Variants in ROCK2 observed in about 807,000 individuals in gnomAD.
ROCK2 encodes the protein Rho associated coiled-coil containing protein kinase 2, also known as rho-associated protein kinase 2.
A neutral mutation model predicts 195.1 loss-of-function variants in ROCK2; 61 were observed. The observed-to-expected ratio is 0.31, with a 90% confidence interval of 0.25 to 0.39. The LOEUF is 0.39. ROCK2 is among the 10% of genes least tolerant of loss of function. The pLI is 1.00. For missense variants in ROCK2, 1,109 were observed against 1,637.4 expected (o/e 0.68, Z 5.57); for synonymous variants, 504 against 545.5 (o/e 0.92, Z 1.06).
intron 9 of ROCK2, 137 bp from the exon 10 acceptor site, chr2:11,219,163 G>A (rs1301435516): frequency 2.2e-6 from 1 of 445,374 alleles, no homozygotes; most frequent in African/African-American, 2.0e-5. Context: ...TACAAATGAA[G>A]CAATATTTTT....
chr2:11,231,292 C>T (rs1665000330), intron 5 of ROCK2, among the ~76,000 whole-genome samples: 1 of 151,976 alleles, frequency 6.6e-6, no homozygotes, highest in African/African-American at 2.4e-5. Flanking sequence ...TAACCTCCGC[C>T]TCCTGGGTTC....
intron 4 of ROCK2, among the ~76,000 whole-genome samples, chr2:11,241,629 T>C (rs1665431916): frequency 6.6e-6 from 1 of 152,192 alleles, no homozygotes; most frequent in South Asian, 2.1e-4. Flanking sequence ...GATAAATGCA[T>C]GACAACATAA....
chr2:11,272,246 G>A (rs1666661116), intron 3 of ROCK2, among the ~76,000 whole-genome samples: 1 of 151,956 alleles, frequency 6.6e-6, no homozygotes, highest in Non-Finnish European at 1.5e-5. Context: ...AGTCCTACAG[G>A]GTGAAATGAA....
chr2:11,259,717 C>T (rs1324486820), intron 3 of ROCK2, among the ~76,000 whole-genome samples: 1 of 151,266 alleles, frequency 6.6e-6, no homozygotes, highest in Non-Finnish European at 1.5e-5. Flanking sequence ...CTATTTGGCA[C>T]TACTTTTGGA....
At chr2:11,309,580 A>G (rs1572391564) in intron 1 of ROCK2, among the ~76,000 whole-genome samples, 1 of 152,224 alleles carries the variant, frequency 6.6e-6, no homozygotes, top group African/African-American at 2.4e-5. Flanking sequence ...CTAGAAAGTT[A>G]TTTCAGTCCC....
At chr2:11,224,924 T>G (rs967319511) in intron 6 of ROCK2, among the ~76,000 whole-genome samples, 1 of 152,116 alleles carries the variant, frequency 6.6e-6, no homozygotes, top group Non-Finnish European at 1.5e-5. Context: ...TTAAATAAAA[T>G]GAAAAACACA....
intron 1 of ROCK2, among the ~76,000 whole-genome samples, chr2:11,340,236 C>G (rs1321223625): frequency 3.9e-5 from 6 of 152,140 alleles, no homozygotes; most frequent in African/African-American, 1.2e-4. Flanking sequence ...ACCCTGAAAT[C>G]AAATACATTC....
chr2:11,330,927 AG>A (rs1668730396), intron 1 of ROCK2, among the ~76,000 whole-genome samples: 1 of 860 alleles, frequency 1.2e-3, no homozygotes, highest in Non-Finnish European at 2.4e-3. Flanking sequence ...GGAGGAGGAG[AG>A]GAGGAGGGAG....
At chr2:11,270,242 G>A (rs1475794493) in intron 3 of ROCK2, among the ~76,000 whole-genome samples, 1 of 152,080 alleles carries the variant, frequency 6.6e-6, no homozygotes, top group Non-Finnish European at 1.5e-5. Context: ...TCCTGTATAG[G>A]TAAAGTGTGG....
chr2:11,248,735 A>AAAAAG (rs1665718986), intron 4 of ROCK2, among the ~76,000 whole-genome samples: 4 of 139,662 alleles, frequency 2.9e-5, no homozygotes, highest in East Asian at 2.1e-4. Flanking sequence ...AAAAAAAAAA[A>AAAAAG]AAAGAAAGAA....
intron 11 of ROCK2, chr2:11,217,884 T>G (rs1206547160): frequency 6.5e-6 from 1 of 152,764 alleles, no homozygotes; most frequent in Non-Finnish European, 1.5e-5. Flanking sequence ...CTTGTTAATA[T>G]TAACAAAAAT....
At chr2:11,188,849 C>T (rs1299458627) in intron 32 of ROCK2, among the ~76,000 whole-genome samples, 2 of 151,956 alleles carry the variant, frequency 1.3e-5, no homozygotes, top group Admixed American at 6.6e-5. Context: ...TGGTCTCGAT[C>T]TCCTGACCAC....
Position 11,194,302 on chromosome 2 carries a change from C to A in ROCK2, c.3562G>T (p.Glu1188Ter). The A allele has an allele frequency of 6.8e-7, 1 of 1,478,388 alleles. No individual in the cohort carries two copies. The highest frequency in any genetic ancestry group is 1.4e-5 in the South Asian group (1 of 70,062). The allele number at this position is 1,478,388 out of a possible 1,614,324, so 91.6% of individuals were successfully genotyped here. A position where few individuals can be genotyped will look rare whatever the true frequency, so the allele number is the denominator to read the frequency against. The change falls in exon 29 of 33, where the codon GAA (glutamate) becomes TAA (stop). Residue 1188 changes from glutamate to a stop codon, truncating the protein, a stop_gained. Transcript: ENST00000315872. LOFTEE classifies it high-confidence loss of function. ...GGATTGGATTGTTCTTTATCTTGTT[C>A]ACTGTCATAGAAAAGAATCTTCTTA... ...SSKKILFYDS[E>*]QDKEQSNPYM... is the part of the protein sequence containing the mutation.
At chr2:11,303,742 T>C (rs951007108) in intron 1 of ROCK2, among the ~76,000 whole-genome samples, 1 of 152,244 alleles carries the variant, frequency 6.6e-6, no homozygotes, top group East Asian at 1.9e-4. Flanking sequence ...CCCTTTACAA[T>C]TCACTACAAT....
Position 11,197,753 on chromosome 2 carries a change from G to GT in ROCK2, c.3100-49dup. 2.3e-6 allele frequency: 3 copies of GT among 1,282,104 alleles called. No individual in the cohort carries two copies. Among genetic ancestry groups the GT allele is most frequent in the Non-Finnish European group, 3.1e-6 (3 of 973,178 alleles). 79.4% of individuals were successfully genotyped at this position (1,282,104 alleles called of 1,614,324 possible). The stretch of plus-strand genomic sequence containing the variant: ...ATAATACATAAATAAAATAAATTAC[G>GT]TTTATGGTTTCTCAGTATCTCATCA... On this transcript the variant is annotated intron_variant, in intron 25 of 32. Coordinates refer to ENST00000315872, the MANE Select transcript of ROCK2 (RefSeq NM_004850.5). This position sits in a 1 kb window ranked among gnomAD's most constrained non-coding sequence, Gnocchi z 4.9.
chr2:11,345,013 G>C (rs56309145), upstream of ROCK2, among the ~76,000 whole-genome samples: 58,333 of 150,636 alleles, frequency 0.39, 13,144 homozygotes, highest in Admixed American at 0.52. Context: ...CCGTGCGCTG[G>C]GGGGGAGCCC....
chr2:11,227,160 A>T (rs139636704), intron 6 of ROCK2, 94 bp downstream of exon 6: 4 of 1,191,406 alleles, frequency 3.4e-6, no homozygotes, highest in Non-Finnish European at 4.8e-6. Flanking sequence ...TCCCTACGAC[A>T]AAGGCAATTA....
intron 32 of ROCK2, among the ~76,000 whole-genome samples, chr2:11,186,723 C>T (rs1157528855): frequency 6.6e-6 from 1 of 152,170 alleles, no homozygotes; most frequent in African/African-American, 2.4e-5. Flanking sequence ...CTTCTCCCAA[C>T]GCCAAGCCAA....
chr2:11,259,281 T>G (rs1169654428), intron 3 of ROCK2, among the ~76,000 whole-genome samples: 2 of 140,862 alleles, frequency 1.4e-5, no homozygotes, highest in East Asian at 4.2e-4. Flanking sequence ...CCCTAGTTGG[T>G]GATCACTAGG....
Sources: allele counts gnomAD v4.1 joint callset (sites outside exome capture counted in the v4.1 genomes callset), GRCh38; gene constraint gnomAD v4.1.1; non-coding constraint Gnocchi (gnomAD v3.1); transcripts MANE v1.5; gene names NCBI Gene and HGNC (gene_info 2026-07-23, HGNC 2026-07-21).